The following MACROD2 variants were observed in gnomAD, a reference collection of about 807,000 sequenced individuals.
MACROD2 encodes mono-ADP ribosylhydrolase 2, also known as ADP-ribose glycohydrolase MACROD2.
Under a neutral mutation model 70.4 loss-of-function variants are expected in MACROD2, and 36 were observed. The ratio of observed to expected loss-of-function variants is 0.51; its 90% CI spans 0.39 to 0.68. MACROD2 has a LOEUF of 0.68. Among genes scored for constraint, MACROD2 ranks in the 30% least tolerant of loss-of-function variants. MACROD2 has a pLI of 0.00. For missense variants in MACROD2, 496 were observed against 538.4 expected (o/e 0.92, Z 0.78); for synonymous variants, 172 against 178.8 (o/e 0.96, Z 0.30).
At chr20:15,344,411 G>T (rs901352321) in intron 6 of MACROD2, among the ~76,000 whole-genome samples, 2 of 152,238 alleles carry the variant, frequency 1.3e-5, no homozygotes, top group African/African-American at 2.4e-5. Context: ...GCCAGAAAAA[G>T]CTCTTCTGTG....
At chr20:14,938,003 G>GTTT (rs56254441) in intron 5 of MACROD2, among the ~76,000 whole-genome samples, 4 of 136,068 alleles carry the variant, frequency 2.9e-5, no homozygotes, top group South Asian at 2.4e-4. Flanking sequence ...CAGATAACAA[G>GTTT]TTTTTTTTTT....
In MACROD2 at chr20:15,832,214, G is replaced by A. The variant is rs371438694; in HGVS notation, c.646-30531G>A. Among the ~76,000 whole-genome samples the A allele has an allele frequency of 7.2e-5, 11 of 152,202 alleles. No homozygotes were observed. In the South Asian group the frequency reaches 2.3e-3, roughly 32 times the overall value. On this transcript the variant is annotated intron_variant, in intron 8 of 17. Transcript: ENST00000684519. The stretch of plus-strand genomic sequence containing the variant: ...AGTGAATTTTTATGTGTCTCTCTGC[G>A]TGTGTGGCATGTGAAGGAACACAAA...
At chr20:15,855,830 A>G (rs1211135581) in intron 8 of MACROD2, among the ~76,000 whole-genome samples, 1 of 151,962 alleles carries the variant, frequency 6.6e-6, no homozygotes, top group Non-Finnish European at 1.5e-5. Flanking sequence ...TGCTTGTGAG[A>G]TTTGCCCGTA....
intron 4 of MACROD2, among the ~76,000 whole-genome samples, chr20:14,553,073 AT>A (rs1262600329): frequency 6.6e-6 from 1 of 151,904 alleles, no homozygotes; most frequent in African/African-American, 2.4e-5. Flanking sequence ...CTTTTTTACT[AT>A]TTTGTAATAA....
chr20:14,137,712 A>G (rs1310367347), intron 3 of MACROD2, among the ~76,000 whole-genome samples: 2 of 152,196 alleles, frequency 1.3e-5, no homozygotes, highest in East Asian at 3.8e-4. Context: ...TCTCCATGAC[A>G]TTAGTTTTGG....
intron 5 of MACROD2, among the ~76,000 whole-genome samples, chr20:14,997,247 T>C (rs2074957725): frequency 6.6e-6 from 1 of 151,998 alleles, no homozygotes; most frequent in Non-Finnish European, 1.5e-5. Context: ...CCAGGCAGAG[T>C]CCTGAGGCCC....
At chr20:15,085,641 A>G (rs745909309) in intron 5 of MACROD2, among the ~76,000 whole-genome samples, 1 of 152,014 alleles carries the variant, frequency 6.6e-6, no homozygotes, top group African/African-American at 2.4e-5. Context: ...AGGAAGTTAG[A>G]TATCTATTAA....
chr20:14,167,043 A>G (rs1569187493), intron 3 of MACROD2, among the ~76,000 whole-genome samples: 2 of 152,074 alleles, frequency 1.3e-5, no homozygotes, highest in South Asian at 4.1e-4. Context: ...TCTGAAATCT[A>G]CCTCAGCAGG....
At chr20:14,845,046 T>C (rs1420620893) in intron 5 of MACROD2, among the ~76,000 whole-genome samples, 1 of 152,144 alleles carries the variant, frequency 6.6e-6, no homozygotes, top group Non-Finnish European at 1.5e-5. Flanking sequence ...GCTCATGTAA[T>C]GGTAATGGCC....
intron 5 of MACROD2, among the ~76,000 whole-genome samples, chr20:15,123,850 A>C (rs1355678647): frequency 1.3e-5 from 2 of 152,190 alleles, no homozygotes; most frequent in African/African-American, 2.4e-5. Context: ...CATGACACAC[A>C]TACAAATGTA....
Position 14,837,539 on chromosome 20 carries a change from T to G in MACROD2, c.418+152580T>G, listed in dbSNP as rs192382425. ...CGTTTCTTTGTAAATGTCTGTCCTTTGAGCTAACTGTGTCTTGAAATCTCC... is the reference window on the plus strand; with the variant it reads ...CGTTTCTTTGTAAATGTCTGTCCTTGGAGCTAACTGTGTCTTGAAATCTCC... On this transcript the variant is annotated intron_variant, in intron 5 of 17. Coordinates refer to ENST00000684519, the MANE Select transcript of MACROD2 (RefSeq NM_001351661.2). Among the ~76,000 whole-genome samples the G allele has an allele frequency of 3.0e-4, 45 of 152,198 alleles. 1 individual carries two copies. The highest frequency in any genetic ancestry group is 5.7e-4 in the Non-Finnish European group (39 of 67,966).
At chr20:15,713,257 G>C (rs1662146398) in intron 8 of MACROD2, among the ~76,000 whole-genome samples, 1 of 152,138 alleles carries the variant, frequency 6.6e-6, no homozygotes, top group Non-Finnish European at 1.5e-5. Context: ...AAAGACCATT[G>C]CTATACAAGA....
At chr20:14,411,831 G>A (rs2083753179) in intron 3 of MACROD2, among the ~76,000 whole-genome samples, 1 of 152,090 alleles carries the variant, frequency 6.6e-6, no homozygotes, top group African/African-American at 2.4e-5. Flanking sequence ...GATGAAAATA[G>A]CATCCCCTAG....
intron 4 of MACROD2, among the ~76,000 whole-genome samples, chr20:14,520,433 CT>C (rs2085153777): frequency 6.6e-6 from 1 of 150,604 alleles, no homozygotes; most frequent in African/African-American, 2.4e-5. Context: ...GGTTTGTTTG[CT>C]TGTTGGTTTG....
At chr20:15,053,708 A>C (rs2075460870) in intron 5 of MACROD2, among the ~76,000 whole-genome samples, 2 of 152,222 alleles carry the variant, frequency 1.3e-5, no homozygotes, top group Non-Finnish European at 2.9e-5. Flanking sequence ...CTATGGATCA[A>C]GGAGTAAGTA....
intron 4 of MACROD2, among the ~76,000 whole-genome samples, chr20:14,554,626 A>G (rs2123273056): frequency 6.6e-6 from 1 of 152,214 alleles, no homozygotes; most frequent in African/African-American, 2.4e-5. Flanking sequence ...GCACTGGGGA[A>G]AAGGGAGGGA....
intron 4 of MACROD2, among the ~76,000 whole-genome samples, chr20:14,586,320 G>A (rs1320144836): frequency 6.6e-6 from 1 of 151,912 alleles, no homozygotes; most frequent in African/African-American, 2.4e-5. Context: ...TTGAATAAAT[G>A]ACTCTTTTAT....
At chr20:14,785,223 T>A (rs1284603476) in intron 5 of MACROD2, among the ~76,000 whole-genome samples, 1 of 151,664 alleles carries the variant, frequency 6.6e-6, no homozygotes, top group Non-Finnish European at 1.5e-5. Flanking sequence ...CTAAGAGCAA[T>A]CATTTTAGGA....
chr20:14,986,441 G>GT (rs1157083271), intron 5 of MACROD2, among the ~76,000 whole-genome samples: 1 of 152,082 alleles, frequency 6.6e-6, no homozygotes, highest in Non-Finnish European at 1.5e-5. Flanking sequence ...CAATCTCTTA[G>GT]TTATAGACTT....
Sources: allele counts gnomAD v4.1 joint callset (sites outside exome capture counted in the v4.1 genomes callset), GRCh38; gene constraint gnomAD v4.1.1; transcripts MANE v1.5; gene names NCBI Gene and HGNC (gene_info 2026-07-23, HGNC 2026-07-21).